The following TET3 variants were observed in gnomAD, a reference collection of about 807,000 sequenced individuals.
The protein encoded by TET3 is methylcytosine dioxygenase TET3.
A neutral mutation model predicts 141.4 loss-of-function variants in TET3; 19 were observed. The observed-to-expected ratio is 0.13, with a 90% CI of 0.09 to 0.20. TET3 has a LOEUF of 0.20. Among genes scored for constraint, TET3 ranks in the 10% least tolerant of loss-of-function variants. TET3 has a pLI of 1.00. For synonymous variants in TET3, 1,043 were observed against 980.9 expected, an observed-to-expected ratio of 1.06 and a Z score of -1.18; for missense variants, 1,874 against 2,356.9, an observed-to-expected ratio of 0.80 and a Z score of 4.24.
chr2:74,034,462 C>T (rs1218532052), intron 3 of TET3, among the ~76,000 whole-genome samples: 1 of 150,396 alleles, frequency 6.6e-6, no homozygotes, highest in Non-Finnish European at 1.5e-5. Flanking sequence ...CATTCCCTTG[C>T]TTTTTAAAGT....
At chr2:74,108,606 G>A (rs1691630964), downstream of TET3, among the ~76,000 whole-genome samples, 3 of 152,174 alleles carry the variant, frequency 2.0e-5, no homozygotes, top group African/African-American at 4.8e-5. Flanking sequence ...TACGGAACCC[G>A]AGATTCTGCT....
At chr2:74,065,483 G>A (rs1413873830) in intron 4 of TET3, among the ~76,000 whole-genome samples, 1 of 151,624 alleles carries the variant, frequency 6.6e-6, no homozygotes, top group African/African-American at 2.4e-5. Context: ...AAATATCCAG[G>A]GCACATCATC....
intron 2 of TET3, chr2:74,002,795 G>C (rs901084333): frequency 1.8e-6 from 1 of 568,810 alleles, no homozygotes; most frequent in South Asian, 2.2e-5. Flanking sequence ...AGAGGAGGCC[G>C]GCCGAGGTAG....
At position 74,103,688 on chromosome 2, in the gene TET3, T is replaced by A. The variant is rs1558801405; in HGVS notation, c.*1512T>A. The A allele has an allele frequency of 6.5e-6, 1 of 153,284 alleles. No individual in the cohort carries two copies. The highest frequency in any genetic ancestry group is 1.5e-5 in the Non-Finnish European group (1 of 68,036). 9.5% of individuals were successfully genotyped at this position (153,284 alleles called of 1,614,324 possible). On this transcript the variant is annotated 3_prime_UTR_variant, in exon 12 of 12. Coordinates refer to ENST00000409262, the MANE Select transcript of TET3 (RefSeq NM_001287491.2). Reference sequence around the variant, plus strand: ...TGACGTTGTCGAGAGAGGTTGGGCCTGATGGGAGCAACACTCATCATCACC... The same window carrying A: ...TGACGTTGTCGAGAGAGGTTGGGCCAGATGGGAGCAACACTCATCATCACC...
In TET3 at chr2:74,093,297, G is replaced by A. The variant is rs1004693352; in HGVS notation, c.3130-232G>A. Among the ~76,000 whole-genome samples, 2 of 152,134 alleles carry A rather than the reference G, an allele frequency of 1.3e-5. No homozygotes were observed. The highest frequency in any genetic ancestry group is 2.9e-5 in the Non-Finnish European group (2 of 68,034). On this transcript the variant is annotated intron_variant, in intron 9 of 11. Coordinates refer to ENST00000409262, the MANE Select transcript of TET3 (RefSeq NM_001287491.2). The surrounding 1 kb of genome is among the most constrained non-coding windows in gnomAD (Gnocchi z 4.2). Reference sequence around the variant, plus strand: ...TCACCTGTCACCCTTGTATCTCCTAGACAAGGCAAGGGGACTTGGGATAAC... The same window carrying A: ...TCACCTGTCACCCTTGTATCTCCTAAACAAGGCAAGGGGACTTGGGATAAC...
At chr2:74,131,482 T>A in the TET3 span, among the ~76,000 whole-genome samples, 1 of 152,040 alleles carries the variant, frequency 6.6e-6, no homozygotes, top group Non-Finnish European at 1.5e-5. Context: ...TGGGTGGGGC[T>A]TTGCAGCCTC....
At chr2:73,998,236 A>G (rs999243664) in intron 2 of TET3, 1 of 152,208 alleles carries the variant, frequency 6.6e-6, no homozygotes, top group African/African-American at 2.4e-5. Context: ...AGCATCATAC[A>G]GTCCGTTGTT....
At chr2:74,094,440 G>A (rs946496262) in intron 10 of TET3, among the ~76,000 whole-genome samples, 5 of 152,284 alleles carry the variant, frequency 3.3e-5, no homozygotes, top group East Asian at 1.9e-4. Context: ...GGAGGGTTGC[G>A]GGGTTTGCTC....
At chr2:74,029,605 A>G (rs1042985018) in intron 3 of TET3, among the ~76,000 whole-genome samples, 1 of 152,234 alleles carries the variant, frequency 6.6e-6, no homozygotes, top group Non-Finnish European at 1.5e-5. Context: ...TTGCATAGTT[A>G]AAAAAGATAC....
chr2:74,124,282 C>T, the TET3 span, among the ~76,000 whole-genome samples: 3 of 151,434 alleles, frequency 2.0e-5, no homozygotes, highest in Non-Finnish European at 4.4e-5. Context: ...AGCCCCCGCC[C>T]AGCCAGCCAC....
At chr2:74,134,882 G>A in the TET3 span, 1 of 417,230 alleles carries the variant, frequency 2.4e-6, no homozygotes, top group Non-Finnish European at 4.9e-6. Context: ...CAGCAGGAAT[G>A]GATGTCCCAC....
chr2:74,113,309 C>T, the TET3 span, among the ~76,000 whole-genome samples: 1 of 152,088 alleles, frequency 6.6e-6, no homozygotes, highest in Non-Finnish European at 1.5e-5. Flanking sequence ...TCACTTGAAC[C>T]CGGGACGTGG....
In TET3 at chr2:73,986,685, A is replaced by G. The variant is rs1260768703; in HGVS notation, c.282A>G (p.Lys94=). 7 of 1,231,906 alleles carry G rather than the reference A, an allele frequency of 5.7e-6. No homozygotes were observed. Among genetic ancestry groups the G allele is most frequent in the African/African-American group, 1.6e-5 (1 of 64,402 alleles). 76.3% of individuals were successfully genotyped at this position (1,231,906 alleles called of 1,614,324 possible). A position where few individuals can be genotyped will look rare whatever the true frequency, so the allele number is the denominator to read the frequency against. The change falls in exon 2 of 12, where the codon AAA becomes AAG. Residue 94 remains lysine (K), a synonymous_variant. Transcript: ENST00000409262. ...TGCGAAAATGTGAGGTGCTGAAGAA[A>G]AAAGTAGGGCTTCTCAAGGAGGTAA... ...CKLRKCEVLK[K]KVGLLKEVEI... is the part of the protein sequence containing the mutation.
intron 11 of TET3, among the ~76,000 whole-genome samples, chr2:74,099,850 C>A (rs1400835181): frequency 6.6e-6 from 1 of 152,128 alleles, no homozygotes; most frequent in East Asian, 1.9e-4. Flanking sequence ...CTGGGTTTCT[C>A]CTCTAGTTTG....
At position 74,102,397 on chromosome 2, in the gene TET3, A is replaced by G; in HGVS notation, c.*221A>G. The G allele has an allele frequency of 1.8e-6, 1 of 553,816 alleles. No homozygotes were observed. Among genetic ancestry groups the G allele is most frequent in the Non-Finnish European group, 2.6e-6 (1 of 380,762 alleles). The allele number at this position is 553,816 out of a possible 1,614,324, so 34.3% of individuals were successfully genotyped here. A position where few individuals can be genotyped will look rare whatever the true frequency, so the allele number is the denominator to read the frequency against. On this transcript the variant is annotated 3_prime_UTR_variant, in exon 12 of 12. Transcript: ENST00000409262. Reference sequence around the variant, plus strand: ...TCCCCAGCACTTTGAAGAAGAAACTACGGCTGTCGGGTGATTTTTCCGTGA... The same window carrying G: ...TCCCCAGCACTTTGAAGAAGAAACTGCGGCTGTCGGGTGATTTTTCCGTGA...
rs1331740015 is a variant in TET3 at position 74,087,783 on chromosome 2, G to A, written c.2680-47G>A. On this transcript the variant is annotated intron_variant, in intron 6 of 11. Coordinates refer to ENST00000409262, the MANE Select transcript of TET3 (RefSeq NM_001287491.2). The surrounding 1 kb of genome is among the most constrained non-coding windows in gnomAD (Gnocchi z 4.3). ...AAGGGAGGGGTGGCACCATGCAGAG[G>A]AGCACGGGTACCTGGCTCCTGCCCC... 3 of 1,505,058 alleles carry A rather than the reference G, an allele frequency of 2.0e-6. No homozygotes were observed. The highest frequency in any genetic ancestry group is 2.5e-5 in the East Asian group (1 of 40,528). 93.2% of individuals were successfully genotyped at this position (1,505,058 alleles called of 1,614,324 possible). A position where few individuals can be genotyped will look rare whatever the true frequency, so the allele number is the denominator to read the frequency against.
chr2:74,077,139 C>G (rs1391342548), intron 5 of TET3, among the ~76,000 whole-genome samples: 6 of 152,210 alleles, frequency 3.9e-5, no homozygotes, highest in Non-Finnish European at 8.8e-5. Flanking sequence ...ACTGCACTAG[C>G]AGGTTCTCTG....
intron 4 of TET3, among the ~76,000 whole-genome samples, chr2:74,050,876 A>C (rs1047732657): frequency 2.0e-5 from 3 of 151,942 alleles, no homozygotes; most frequent in South Asian, 2.1e-4. Context: ...GGAAAAAAAA[A>C]AACAACAATA....
chr2:74,017,961 CTTTT>C (rs35319685), intron 3 of TET3, among the ~76,000 whole-genome samples: 2 of 97,224 alleles, frequency 2.1e-5, no homozygotes, highest in Non-Finnish European at 3.8e-5. Context: ...TCTTCTGTCT[CTTTT>C]TTTTTTTTTT....
Sources: gnomAD v4.1 joint callset for allele counts (sites outside exome capture counted in the v4.1 genomes callset) on GRCh38, gnomAD v4.1.1 for gene constraint, Gnocchi (gnomAD v3.1) non-coding constraint, MANE v1.5 for transcripts, NCBI Gene and HGNC (gene_info 2026-07-23, HGNC 2026-07-21) for gene names.